The following UBE2W variants were observed in gnomAD, a reference collection of about 807,000 sequenced individuals.
UBE2W encodes ubiquitin-conjugating enzyme E2 W.
Under a neutral mutation model 27.2 loss-of-function variants are expected in UBE2W, and 18 were observed. The observed-to-expected ratio is 0.66, with a 90% CI of 0.46 to 0.98. The LOEUF (loss-of-function observed/expected upper bound fraction) is 0.98, where lower values mean the gene tolerates loss of function less well. Among genes scored for constraint, UBE2W ranks in the 50% least tolerant of loss-of-function variants. The pLI is 0.00. For missense variants in UBE2W, 90 were observed against 180.2 expected (o/e 0.50, Z 2.87); for synonymous variants, 53 against 57.2 (o/e 0.93, Z 0.33).
At chr8:73,875,190 T>C (rs1382114003) in intron 1 of UBE2W, among the ~76,000 whole-genome samples, 1 of 152,182 alleles carries the variant, frequency 6.6e-6, no homozygotes, top group East Asian at 1.9e-4. Flanking sequence ...TGAAAACCAC[T>C]ATCTTGAATT....
chr8:73,842,528 CAAAAAAAAAA>C (rs759063478), intron 1 of UBE2W, among the ~76,000 whole-genome samples: 14 of 9,676 alleles, frequency 1.4e-3, no homozygotes, highest in South Asian at 5.7e-3. Context: ...GACTCCGTCT[CAAAAAAAAAA>C]AAAAAAAAAA....
At chr8:73,871,024 T>C (rs1022463936) in intron 1 of UBE2W, among the ~76,000 whole-genome samples, 3 of 152,050 alleles carry the variant, frequency 2.0e-5, no homozygotes, top group Non-Finnish European at 2.9e-5. Context: ...AGGGAAGTCA[T>C]AGTAGGATTA....
intron 3 of UBE2W, among the ~76,000 whole-genome samples, chr8:73,812,942 T>G (rs1809215077): frequency 1.3e-5 from 2 of 149,908 alleles, no homozygotes; most frequent in African/African-American, 4.9e-5. Context: ...GAGGCAGAGG[T>G]TGCAGTGAGC....
Position 73,787,333 on chromosome 8 carries a change from G to A in UBE2W, c.*6769C>T, listed in dbSNP as rs977943712. The stretch of plus-strand genomic sequence containing the variant: ...GTGTGAAAATGAGTAAGAAATATAG[G>A]GAGGACATAAACAGAGTCACTTATC... On this transcript the variant is annotated 3_prime_UTR_variant, in exon 6 of 6. Coordinates refer to ENST00000602593, the MANE Select transcript of UBE2W (RefSeq NM_018299.6). 101 of 985,170 alleles carry A rather than the reference G, an allele frequency of 1.0e-4. No homozygotes were observed. Among genetic ancestry groups the A allele is most frequent in the Middle Eastern group, 5.2e-4 (1 of 1,936 alleles). 61.0% of individuals were successfully genotyped at this position (985,170 alleles called of 1,614,324 possible).
In UBE2W at chr8:73,788,657, TAC is replaced by T. The variant is rs2130832764; in HGVS notation, c.*5443_*5444del. ...GAGGCAGGATTATTAAATCTTTCCATACACCAGAAAATCTGACAAGTGATGTC... is the reference window on the plus strand; with the variant it reads ...GAGGCAGGATTATTAAATCTTTCCATACCAGAAAATCTGACAAGTGATGTC... On this transcript the variant is annotated 3_prime_UTR_variant, in exon 6 of 6. Transcript: ENST00000602593. 4 of 985,430 alleles carry T rather than the reference TAC, an allele frequency of 4.1e-6. No individual in the cohort carries two copies. The highest frequency in any genetic ancestry group is 4.8e-6 in the Non-Finnish European group (4 of 829,926). The allele number at this position is 985,430 out of a possible 1,614,324, so 61.0% of individuals were successfully genotyped here.
chr8:73,820,132 G>A lies in UBE2W; in HGVS notation c.210+5015C>T, dbSNP rs117552561. On this transcript the variant is annotated intron_variant, in intron 3 of 5. Coordinates refer to ENST00000602593, the MANE Select transcript of UBE2W (RefSeq NM_018299.6). ...TGAAAGACTAATTTAGGTAACAAGTGCTAATGCTACAGAGTTTCATCAAAT... is the reference window on the plus strand; with the variant it reads ...TGAAAGACTAATTTAGGTAACAAGTACTAATGCTACAGAGTTTCATCAAAT... Among the ~76,000 whole-genome samples, 732 of 152,192 alleles carry A rather than the reference G, an allele frequency of 4.8e-3. 6 individuals are homozygous for A. The highest frequency in any genetic ancestry group is 5.0e-3 in the Non-Finnish European group (337 of 68,016).
intron 1 of UBE2W, among the ~76,000 whole-genome samples, chr8:73,869,830 C>G (rs1438599307): frequency 6.6e-6 from 1 of 152,194 alleles, no homozygotes; most frequent in East Asian, 1.9e-4. Context: ...CCACTGCACT[C>G]CAGCCTGGGT....
chr8:73,802,400 G>A (rs776995716), intron 5 of UBE2W, among the ~76,000 whole-genome samples: 6 of 151,672 alleles, frequency 4.0e-5, no homozygotes, highest in Admixed American at 6.6e-5. Context: ...TTTCATAAAC[G>A]GTTTATTTTT....
chr8:73,826,181 C>T (rs780320643), intron 2 of UBE2W, among the ~76,000 whole-genome samples: 9 of 152,144 alleles, frequency 5.9e-5, no homozygotes, highest in Non-Finnish European at 1.3e-4. Context: ...CATTTCTATG[C>T]CATCTATGCA....
chr8:73,830,476 G>C lies in UBE2W; in HGVS notation c.16-4C>G. 6.2e-7 allele frequency: 1 copy of C among 1,611,596 alleles called. No homozygotes were observed. Among genetic ancestry groups the C allele is most frequent in the African/African-American group, 1.3e-5 (1 of 74,956 alleles). On this transcript the variant is annotated splice_polypyrimidine_tract_variant and splice_region_variant and intron_variant, in intron 1 of 5. Coordinates refer to ENST00000602593, the MANE Select transcript of UBE2W (RefSeq NM_018299.6). ...ACAGTTCTTTCTGTAGTCGTTTCTAGAAAAGAACATCAATAATAATTTGTC... is the reference window on the plus strand; with the variant it reads ...ACAGTTCTTTCTGTAGTCGTTTCTACAAAAGAACATCAATAATAATTTGTC...
At chr8:73,846,703 A>T (rs1563615491) in intron 1 of UBE2W, among the ~76,000 whole-genome samples, 1 of 152,232 alleles carries the variant, frequency 6.6e-6, no homozygotes, top group Non-Finnish European at 1.5e-5. Context: ...TTGTAAAATA[A>T]AACAAGACAG....
chr8:73,802,892 G>C (rs186005803), intron 5 of UBE2W, among the ~76,000 whole-genome samples: 1 of 151,768 alleles, frequency 6.6e-6, no homozygotes, highest in Non-Finnish European at 1.5e-5. Flanking sequence ...GCGAGGTGGC[G>C]GGCGCCTGTA....
intron 1 of UBE2W, among the ~76,000 whole-genome samples, chr8:73,846,694 T>C (rs1810816145): frequency 6.6e-6 from 1 of 152,186 alleles, no homozygotes; most frequent in Non-Finnish European, 1.5e-5. Context: ...ATGTCTAATT[T>C]GTAAAATAAA....
At chr8:73,833,322 C>T (rs571482930) in intron 1 of UBE2W, among the ~76,000 whole-genome samples, 5 of 149,366 alleles carry the variant, frequency 3.3e-5, no homozygotes, top group South Asian at 2.1e-4. Flanking sequence ...TGCCTTGTGA[C>T]GAGAATGAAA....
chr8:73,871,590 C>T (rs896307706), intron 1 of UBE2W, among the ~76,000 whole-genome samples: 2 of 152,104 alleles, frequency 1.3e-5, no homozygotes, highest in Non-Finnish European at 2.9e-5. Flanking sequence ...CAAAAGCATG[C>T]GCTGTTTTTT....
chr8:73,815,749 C>T (rs1429400040), intron 3 of UBE2W, among the ~76,000 whole-genome samples: 1 of 152,124 alleles, frequency 6.6e-6, no homozygotes, highest in Non-Finnish European at 1.5e-5. Flanking sequence ...GGTCAAAACA[C>T]AGTGTATATA....
intron 3 of UBE2W, among the ~76,000 whole-genome samples, chr8:73,812,787 G>A (rs963010243): frequency 3.9e-5 from 6 of 152,018 alleles, no homozygotes; most frequent in African/African-American, 1.2e-4. Context: ...TGGATCACCT[G>A]AGGTCAGCAG....
At chr8:73,838,402 C>T (rs1376638121) in intron 1 of UBE2W, among the ~76,000 whole-genome samples, 2 of 152,230 alleles carry the variant, frequency 1.3e-5, no homozygotes, top group East Asian at 3.9e-4. Context: ...AAAATCTCTA[C>T]TCTAGATCAC....
chr8:73,826,719 T>C (rs1809849980), intron 2 of UBE2W, among the ~76,000 whole-genome samples: 1 of 152,192 alleles, frequency 6.6e-6, no homozygotes, highest in Non-Finnish European at 1.5e-5. Context: ...GAAGTCGCAG[T>C]TATAGTTAAT....
Sources: gnomAD v4.1 joint callset for allele counts (sites outside exome capture counted in the v4.1 genomes callset) on GRCh38, gnomAD v4.1.1 for gene constraint, MANE v1.5 for transcripts, NCBI Gene and HGNC (gene_info 2026-07-23, HGNC 2026-07-21) for gene names.